Variants in FANCA observed in about 807,000 individuals in gnomAD.
The protein encoded by FANCA is FA complementation group A, also known as Fanconi anemia group A protein.
In FANCA, 236 loss-of-function variants were observed where a neutral mutation model predicts 194.3. That is an observed-to-expected ratio of 1.21 (90% CI 1.09 to 1.35). FANCA has a LOEUF of 1.35. Among genes scored for constraint, FANCA ranks in the 40% most tolerant of loss-of-function variants. FANCA has a pLI of 0.00. For missense variants in FANCA, 2,628 were observed against 1,813.9 expected (o/e 1.45, Z -8.15); for synonymous variants, 1,014 against 715.8 (o/e 1.42, Z -6.65).
intron 14 of FANCA, among the ~76,000 whole-genome samples, chr16:89,786,509 G>C (rs950749288): frequency 6.6e-6 from 1 of 152,054 alleles, no homozygotes; most frequent in Non-Finnish European, 1.5e-5. Context: ...TAGAGATGAG[G>C]TTTTGCCATG....
chr16:89,743,414 C>G (rs1220677980), intron 36 of FANCA, among the ~76,000 whole-genome samples: 1 of 152,204 alleles, frequency 6.6e-6, no homozygotes, highest in Non-Finnish European at 1.5e-5. Context: ...GTTTAAGAGA[C>G]TTTAAATAAG....
chr16:89,793,454 A>G (rs1225754753), intron 11 of FANCA, among the ~76,000 whole-genome samples: 1 of 152,238 alleles, frequency 6.6e-6, no homozygotes, highest in Non-Finnish European at 1.5e-5. Context: ...AACAGTAATT[A>G]CTACCAACTA....
At position 89,791,519 on chromosome 16, in the gene FANCA, T is replaced by C. The variant is rs1438001164; in HGVS notation, c.1243A>G (p.Met415Val). ...QLLEDWVARLMAQAFESCQLD... is the reference protein window; with the variant it reads ...QLLEDWVARLVAQAFESCQLD... The stretch of plus-strand genomic sequence containing the variant: ...TGGCAGCTCTCGAATGCCTGGGCCA[T>C]CAAACGCGCCACCCAGTCTAGTTAA... Residue 415 changes from methionine to valine, a missense_variant, in exon 14 of 43, where the codon ATG becomes GTG. By Grantham distance (21) the Met-to-Val change is conservative. Coordinates refer to ENST00000389301, the MANE Select transcript of FANCA (RefSeq NM_000135.4). 6.8e-6 allele frequency: 11 copies of C among 1,613,960 alleles called. No individual in the cohort carries two copies. The highest frequency in any genetic ancestry group is 2.2e-5 in the East Asian group (1 of 44,884).
chr16:89,740,915 G>T, intron 37 of FANCA, 49 bp from the exon 38 acceptor site: 1 of 1,505,470 alleles, frequency 6.6e-7, no homozygotes. Context: ...TACCTGTGCT[G>T]TCATTCTAAA....
chr16:89,744,364 G>T lies in FANCA; in HGVS notation c.3626+595C>A, dbSNP rs559751273. ...AGAACACGGCACCCACATTCAGCAG[G>T]TGGAGTGGCTGTCAGCTCTGTGGTC... On this transcript the variant is annotated intron_variant, in intron 36 of 42. Transcript: ENST00000389301. 4.6e-5 allele frequency among the ~76,000 whole-genome samples: 7 copies of T among 152,344 alleles called. No homozygotes were observed. The South Asian group carries it at 1.2e-3, about 27-fold the overall frequency.
rs147992823 is a variant in FANCA at position 89,743,734 on chromosome 16, G to T, written c.3627-796C>A. Among the ~76,000 whole-genome samples, 273 of 152,150 alleles carry T rather than the reference G, an allele frequency of 1.8e-3. 2 individuals carry two copies. Among genetic ancestry groups the T allele is most frequent in the African/African-American group, 6.3e-3 (262 of 41,550 alleles). ...GCTACTCAGGAGACTGAGGCAGGAG[G>T]ATCGCTTGAACCTGGGAGGCGGAGG... is the stretch of plus-strand genomic sequence containing the variant. On this transcript the variant is annotated intron_variant, in intron 36 of 42. Coordinates refer to ENST00000389301, the MANE Select transcript of FANCA (RefSeq NM_000135.4).
At chr16:89,802,877 T>C (rs955846336) in intron 8 of FANCA, among the ~76,000 whole-genome samples, 13 of 152,160 alleles carry the variant, frequency 8.5e-5, no homozygotes, top group African/African-American at 1.7e-4. Flanking sequence ...GAACGAGAGA[T>C]ACCAGAGATG....
At position 89,749,843 on chromosome 16, in the gene FANCA, A is replaced by C. The variant is rs2038519967; in HGVS notation, c.3126T>G (p.Pro1042=). Reference sequence around the variant, plus strand: ...TCTCAAAGAGGAAGTGCTCCTGGGAAGGGGTGTGGCCGAGAGGCACTATGA... The same window carrying C: ...TCTCAAAGAGGAAGTGCTCCTGGGACGGGGTGTGGCCGAGAGGCACTATGA... ...QDLIVPLGHT[P]SQEHFLFEIF... Residue 1042 remains proline, a synonymous_variant, in exon 32 of 43, where the codon CCT becomes CCG. Coordinates refer to ENST00000389301, the MANE Select transcript of FANCA (RefSeq NM_000135.4). 6.2e-7 allele frequency: 1 copy of C among 1,614,202 alleles called. No homozygotes were observed. The highest frequency in any genetic ancestry group is 8.5e-7 in the Non-Finnish European group (1 of 1,180,026).
intron 28 of FANCA, 55 bp downstream of exon 28, chr16:89,764,835 C>T (rs11076619): frequency 6.2e-7 from 1 of 1,601,156 alleles, no homozygotes; most frequent in South Asian, 1.1e-5. Context: ...GAGGAGCACA[C>T]ACAAACCCTA....
At chr16:89,810,488 A>C in intron 5 of FANCA, 1 of 556,530 alleles carries the variant, frequency 1.8e-6, no homozygotes, top group Non-Finnish European at 3.2e-6. Context: ...TAGTCTAATA[A>C]ATATTACTAA....
intron 38 of FANCA, 124 bp from the exon 39 acceptor site, chr16:89,740,223 G>C: frequency 2.3e-6 from 2 of 856,644 alleles, no homozygotes; most frequent in Non-Finnish European, 4.0e-6. Flanking sequence ...TAAAACTGGT[G>C]ACAGTTTTAC....
rs371449661 is a variant in FANCA at position 89,810,961 on chromosome 16, T to A, written c.394A>T (p.Ser132Cys). The change falls in exon 4 of 43, where the codon AGT becomes TGT. Residue 132 changes from serine (S) to cysteine (C), a missense_variant. Physicochemically the swap from Ser to Cys is moderately radical, Grantham distance 112. Transcript: ENST00000389301. ...GQICTAPAET[S>C]HPVLLTVEQR... is the part of the protein sequence containing the mutation. The stretch of plus-strand genomic sequence containing the variant: ...TCCACAGTCAGCAGCACAGGGTGAC[T>A]GGTCTCCGCTGGAGCCGTGCAGATC... 1.9e-6 allele frequency: 3 copies of A among 1,614,022 alleles called. No individual in the cohort carries two copies. The African/African-American group carries it at 4.0e-5, about 22-fold the overall frequency.
chr16:89,772,323 T>C (rs17232945), intron 22 of FANCA, among the ~76,000 whole-genome samples: 304 of 152,362 alleles, frequency 2.0e-3, no homozygotes, highest in African/African-American at 6.1e-3. Flanking sequence ...CAAGCCATCA[T>C]TGAATCACCG....
At chr16:89,759,290 T>C (rs1398940585) in intron 29 of FANCA, among the ~76,000 whole-genome samples, 2 of 124,074 alleles carry the variant, frequency 1.6e-5, no homozygotes, top group Non-Finnish European at 3.2e-5. Flanking sequence ...ACTGCACTCC[T>C]GCTTGGGCAA....
At chr16:89,789,512 C>G (rs1001568775) in intron 14 of FANCA, among the ~76,000 whole-genome samples, 10 of 148,138 alleles carry the variant, frequency 6.8e-5, no homozygotes, top group African/African-American at 2.3e-4. Context: ...GCAATCCCAG[C>G]TCAATGCAGC....
chr16:89,797,381 G>C lies in FANCA; in HGVS notation c.894-1363C>G, dbSNP rs148382975. 2.8e-3 allele frequency among the ~76,000 whole-genome samples: 419 copies of C among 152,184 alleles called. 1 individual carries two copies. The highest frequency in any genetic ancestry group is 9.8e-3 in the African/African-American group (407 of 41,526). On this transcript the variant is annotated intron_variant, in intron 10 of 42. Transcript: ENST00000389301. Reference sequence around the variant, plus strand: ...AAATCAAGGGTCCTGGCGGTTCAGTGAACTGCCCCAGGGTCACACACCCAA... The same window carrying C: ...AAATCAAGGGTCCTGGCGGTTCAGTCAACTGCCCCAGGGTCACACACCCAA...
chr16:89,749,584 G>A, intron 32 of FANCA, 146 bp downstream of exon 32: 1 of 1,034,884 alleles, frequency 9.7e-7, no homozygotes. Flanking sequence ...CGTGGCATGT[G>A]CCACAGAAAT....
At chr16:89,813,261 AG>A (rs1009363768) in intron 3 of FANCA, among the ~76,000 whole-genome samples, 1 of 151,972 alleles carries the variant, frequency 6.6e-6, no homozygotes, top group Non-Finnish European at 1.5e-5. Flanking sequence ...TGAAAAAATT[AG>A]CCAGGCATGG....
rs112352458 is a variant in FANCA, at chr16:89,742,739, T to C, written c.3765+61A>G. The C allele has an allele frequency of 3.6e-3, 5,516 of 1,514,898 alleles. 18 individuals are homozygous for C. Among genetic ancestry groups the C allele is most frequent in the Non-Finnish European group, 4.3e-3 (4,851 of 1,117,950 alleles). 93.8% of individuals were successfully genotyped at this position (1,514,898 alleles called of 1,614,324 possible). On this transcript the variant is annotated intron_variant, in intron 37 of 42. Coordinates refer to ENST00000389301, the MANE Select transcript of FANCA (RefSeq NM_000135.4). ...AGTTCATCAGACAAGCCCAGAGAAA[T>C]AGCACTGATTGAAACCAAGCTTGCG...
Sources: allele counts gnomAD v4.1 joint callset (sites outside exome capture counted in the v4.1 genomes callset), GRCh38; gene constraint gnomAD v4.1.1; transcripts MANE v1.5; gene names NCBI Gene and HGNC (gene_info 2026-07-23, HGNC 2026-07-21).